The following USP25 variants were observed in gnomAD, a reference collection of about 807,000 sequenced individuals.
USP25 encodes ubiquitin specific peptidase 25.
In USP25, 85 loss-of-function variants were observed where a neutral mutation model predicts 158.5. The ratio of observed to expected loss-of-function variants is 0.54; its 90% CI spans 0.45 to 0.64. The LOEUF (loss-of-function observed/expected upper bound fraction) is 0.64. Among genes scored for constraint, USP25 ranks in the 30% least tolerant of loss-of-function variants. The probability of loss-of-function intolerance (pLI) is 0.00; values close to 1 mark genes in which losing one functional copy is unlikely to be tolerated. For missense variants in USP25, 1,242 were observed against 1,327.3 expected, an observed-to-expected ratio of 0.94 and a Z score of 1.00; for synonymous variants, 464 against 460.4, an observed-to-expected ratio of 1.01 and a Z score of -0.10.
chr21:15,860,872 A>G (rs2039392910), intron 20 of USP25, among the ~76,000 whole-genome samples: 2 of 151,532 alleles, frequency 1.3e-5, no homozygotes, highest in Non-Finnish European at 2.9e-5. Context: ...TCAGTTTCCC[A>G]TTAGATTTAA....
At chr21:15,756,854 C>T (rs1278320914) in intron 1 of USP25, among the ~76,000 whole-genome samples, 1 of 152,036 alleles carries the variant, frequency 6.6e-6, no homozygotes, top group Non-Finnish European at 1.5e-5. Context: ...AGAGGTTGAA[C>T]CCACCTCCCT....
chr21:15,778,105 A>G, intron 4 of USP25, 78 bp downstream of exon 4: 1 of 1,309,734 alleles, frequency 7.6e-7, no homozygotes, highest in Non-Finnish European at 1.0e-6. Context: ...ATTAATTTTA[A>G]GAGGTAATAA....
chr21:15,845,343 A>G (rs189098003), intron 18 of USP25, among the ~76,000 whole-genome samples: 11 of 152,266 alleles, frequency 7.2e-5, no homozygotes, highest in Admixed American at 6.5e-4. Context: ...ATGTATTCAT[A>G]TAAGACCTGA....
intron 18 of USP25, among the ~76,000 whole-genome samples, chr21:15,846,505 A>G (rs930015781): frequency 2.6e-5 from 4 of 151,890 alleles, no homozygotes; most frequent in Admixed American, 6.6e-5. Context: ...AGTTGCAGCT[A>G]TTGGTTTTGT....
intron 3 of USP25, among the ~76,000 whole-genome samples, chr21:15,767,667 G>T (rs1778007206): frequency 6.6e-6 from 1 of 152,116 alleles, no homozygotes; most frequent in East Asian, 1.9e-4. Context: ...AGGGGAAAAA[G>T]AAACTAGATG....
chr21:15,817,679 A>G (rs369057455), intron 9 of USP25, among the ~76,000 whole-genome samples: 1 of 152,178 alleles, frequency 6.6e-6, no homozygotes, highest in African/African-American at 2.4e-5. Flanking sequence ...TTGGTGGCAG[A>G]CAAGAGAAGA....
At chr21:15,778,080 C>G (rs924565789) in intron 4 of USP25, 53 bp downstream of exon 4, 1 of 1,424,156 alleles carries the variant, frequency 7.0e-7, no homozygotes, top group East Asian at 2.6e-5. Flanking sequence ...AAATAGAAAT[C>G]ATTAATTGGG....
chr21:15,831,330 T>G, intron 15 of USP25, 71 bp from the exon 16 acceptor site: 2 of 1,398,466 alleles, frequency 1.4e-6, no homozygotes, highest in African/African-American at 1.4e-5. Context: ...AGGTTGTTTG[T>G]GGGTTTCATG....
At chr21:15,822,036 T>C (rs1490436712) in intron 10 of USP25, among the ~76,000 whole-genome samples, 1 of 151,930 alleles carries the variant, frequency 6.6e-6, no homozygotes, top group Non-Finnish European at 1.5e-5. Flanking sequence ...AATAATAATA[T>C]GTTTAGAGAT....
At chr21:15,847,846 C>A in intron 19 of USP25, 70 bp downstream of exon 19, 1 of 984,640 alleles carries the variant, frequency 1.0e-6, no homozygotes, top group Non-Finnish European at 1.5e-6. Flanking sequence ...TTTGGGCATG[C>A]CTGCACCCTC....
Position 15,787,474 on chromosome 21 carries a change from A to G in USP25, c.393-4028A>G, listed in dbSNP as rs996656984. Among the ~76,000 whole-genome samples, 4 of 151,938 alleles carry G rather than the reference A, an allele frequency of 2.6e-5. No individual in the cohort carries two copies. The South Asian group carries it at 8.3e-4, about 31-fold the overall frequency. On this transcript the variant is annotated intron_variant, in intron 4 of 25. Transcript: ENST00000400183. ...CTACAGCCAACTGATTTTTGACAAAAACTGTTAACTGGAGTAAATCTAAGA... is the reference window on the plus strand; with the variant it reads ...CTACAGCCAACTGATTTTTGACAAAGACTGTTAACTGGAGTAAATCTAAGA...
intron 20 of USP25, among the ~76,000 whole-genome samples, chr21:15,856,502 C>G (rs1018110410): frequency 6.6e-6 from 1 of 150,980 alleles, no homozygotes; most frequent in African/African-American, 2.4e-5. Flanking sequence ...GACGGAGTCT[C>G]GCTCTGTCGC....
At chr21:15,871,917 G>C (rs1382789596) in intron 23 of USP25, among the ~76,000 whole-genome samples, 1 of 151,392 alleles carries the variant, frequency 6.6e-6, no homozygotes, top group African/African-American at 2.4e-5. Context: ...CTTGAACCCG[G>C]GAGGCGGAGG....
chr21:15,801,681 A>G (rs771371567), intron 6 of USP25, among the ~76,000 whole-genome samples: 12 of 151,566 alleles, frequency 7.9e-5, no homozygotes, highest in Non-Finnish European at 1.6e-4. Flanking sequence ...TTTACCGCCA[A>G]CTCGTGACAT....
chr21:15,855,583 C>G (rs2039093952), intron 20 of USP25, among the ~76,000 whole-genome samples: 1 of 152,184 alleles, frequency 6.6e-6, no homozygotes, highest in Admixed American at 6.5e-5. Context: ...AGACAGCGGT[C>G]CAACATTTCC....
chr21:15,745,127 G>C (rs1473896605), intron 1 of USP25: 2 of 152,262 alleles, frequency 1.3e-5, no homozygotes, highest in Non-Finnish European at 2.9e-5. Flanking sequence ...TTTATGGTCG[G>C]GGGGAGGGAG....
At position 15,853,794 on chromosome 21, in the gene USP25, G is replaced by T. The variant is rs187579949; in HGVS notation, c.2547+3922G>T. 2.8e-3 allele frequency among the ~76,000 whole-genome samples: 418 copies of T among 151,486 alleles called. 3 individuals carry two copies. The highest frequency in any genetic ancestry group is 9.8e-3 in the African/African-American group (404 of 41,300). On this transcript the variant is annotated intron_variant, in intron 20 of 25. Transcript: ENST00000400183. ...GGTAAATGAATTTGAGAGCTTTCCT[G>T]TTTTTTTTAATACTTAACCGTGTTA...
chr21:15,787,750 TG>T (rs572514139), intron 4 of USP25, among the ~76,000 whole-genome samples: 238 of 152,036 alleles, frequency 1.6e-3, no homozygotes, highest in African/African-American at 5.4e-3. Context: ...TCTTTGTAGT[TG>T]ATCTATACAG....
chr21:15,827,186 T>C lies in USP25; in HGVS notation c.1676T>C (p.Ile559Thr). The C allele has an allele frequency of 1.2e-6, 2 of 1,614,072 alleles. No individual in the cohort carries two copies. Among genetic ancestry groups the C allele is most frequent in the East Asian group, 2.2e-5 (1 of 44,874 alleles). Residue 559 changes from isoleucine to threonine, a missense_variant, in exon 14 of 26, where the codon ATA becomes ACA. By Grantham distance (89) the Ile-to-Thr change is moderately conservative. This residue lies in a region of USP25 where 627 missense variants were observed against 701.4 expected (regional missense o/e 0.89). Transcript: ENST00000400183. ...TGTTTACATCGCTGGAGGACAGAAA[T>C]AGAAAATGACACCAGAGGTAAGAAG... Reference protein sequence around the residue: ...ESCLHRWRTEIENDTRDLQES... With the variant: ...ESCLHRWRTETENDTRDLQES...
Sources: gnomAD v4.1 joint callset for allele counts (sites outside exome capture counted in the v4.1 genomes callset) on GRCh38, gnomAD v4.1.1 for gene constraint, gnomAD v4.1.1 regional missense constraint, MANE v1.5 for transcripts, NCBI Gene and HGNC (gene_info 2026-07-23, HGNC 2026-07-21) for gene names.